The following MYO9A variants were observed in gnomAD, a reference collection of about 807,000 sequenced individuals.
MYO9A encodes myosin IXA, also known as unconventional myosin-IXa.
Under a neutral mutation model 293.3 loss-of-function variants are expected in MYO9A, and 103 were observed. The ratio of observed to expected loss-of-function variants is 0.35; its 90% CI spans 0.30 to 0.41. The LOEUF is 0.41. Among genes scored for constraint, MYO9A ranks in the 10% least tolerant of loss-of-function variants. MYO9A has a pLI of 1.00. For synonymous variants in MYO9A, 1,001 were observed against 1,035.7 expected (o/e 0.97, Z 0.64); for missense variants, 2,685 against 3,033.0 (o/e 0.89, Z 2.69).
chr15:72,050,631 C>A (rs1014345449), intron 1 of MYO9A, among the ~76,000 whole-genome samples: 1 of 150,672 alleles, frequency 6.6e-6, no homozygotes, highest in Non-Finnish European at 1.5e-5. Context: ...AATAAATAAA[C>A]AAACAAACAA....
intron 12 of MYO9A, among the ~76,000 whole-genome samples, chr15:71,970,503 C>A (rs1014490696): frequency 6.6e-6 from 1 of 152,170 alleles, no homozygotes; most frequent in Non-Finnish European, 1.5e-5. Flanking sequence ...CAAAATAGTT[C>A]TTCCTACATG....
At chr15:71,844,421 G>C (rs1596011701) in intron 39 of MYO9A, among the ~76,000 whole-genome samples, 2 of 152,146 alleles carry the variant, frequency 1.3e-5, no homozygotes, top group African/African-American at 4.8e-5. Flanking sequence ...TTTAATTTGG[G>C]TGAGAATTCT....
At chr15:71,894,609 T>A (rs1596128017) in intron 25 of MYO9A, among the ~76,000 whole-genome samples, 1 of 152,070 alleles carries the variant, frequency 6.6e-6, no homozygotes, top group South Asian at 2.1e-4. Flanking sequence ...AACAAAAAGC[T>A]TGATGTTGAA....
At chr15:71,892,798 T>G in intron 26 of MYO9A, 1 of 294,226 alleles carries the variant, frequency 3.4e-6, no homozygotes, top group South Asian at 4.8e-5. Context: ...AAAGTGCCCT[T>G]TATTTGAGTT....
intron 2 of MYO9A, among the ~76,000 whole-genome samples, chr15:72,043,273 ATAAC>A (rs1027843404): frequency 1.1e-4 from 16 of 152,324 alleles, no homozygotes; most frequent in African/African-American, 3.8e-4. Context: ...CTGTACACTA[ATAAC>A]TATAAAATAC....
At chr15:72,075,809 T>C (rs904403455) in intron 1 of MYO9A, among the ~76,000 whole-genome samples, 6 of 151,718 alleles carry the variant, frequency 4.0e-5, no homozygotes, top group South Asian at 2.1e-4. Context: ...AATACTAAAG[T>C]AATTTCTTCA....
At chr15:72,028,218 A>AATAAATAAATATAT (rs1555408276) in intron 3 of MYO9A, among the ~76,000 whole-genome samples, 7 of 134,256 alleles carry the variant, frequency 5.2e-5, no homozygotes, top group African/African-American at 1.9e-4. Context: ...TAAATAAATA[A>AATAAATAAATATAT]ATATATATAT....
intron 19 of MYO9A, among the ~76,000 whole-genome samples, chr15:71,910,117 T>G (rs930720991): frequency 1.6e-5 from 2 of 126,360 alleles, no homozygotes; most frequent in African/African-American, 9.2e-5. Flanking sequence ...TATATACGTG[T>G]ATATATACAC....
chr15:71,914,515 A>C (rs2057953168), intron 19 of MYO9A, among the ~76,000 whole-genome samples: 1 of 152,160 alleles, frequency 6.6e-6, no homozygotes, highest in African/African-American at 2.4e-5. Flanking sequence ...CTTTATAATA[A>C]GTATAATAGT....
rs1475570085 is a variant in MYO9A at position 72,101,155 on chromosome 15, G to A, written c.-72+16525C>T. ...CCCGCCCGGCCAGCCGCCCCGTCTGGGAGGTGAGGGGTGCCTCTGCCTGGC... is the reference window on the plus strand; with the variant it reads ...CCCGCCCGGCCAGCCGCCCCGTCTGAGAGGTGAGGGGTGCCTCTGCCTGGC... On this transcript the variant is annotated intron_variant, in intron 1 of 41. Transcript: ENST00000356056. 2.1e-5 allele frequency among the ~76,000 whole-genome samples: 3 copies of A among 144,412 alleles called. No homozygotes were observed. The East Asian group carries it at 6.5e-4, about 31-fold the overall frequency. 94.7% of individuals were successfully genotyped at this position (144,412 alleles called of 152,430 possible). A position where few individuals can be genotyped will look rare whatever the true frequency, so the allele number is the denominator to read the frequency against.
intron 3 of MYO9A, among the ~76,000 whole-genome samples, 194 bp downstream of exon 3, chr15:72,032,300 G>C (rs1386010614): frequency 6.6e-6 from 1 of 152,152 alleles, no homozygotes; most frequent in Non-Finnish European, 1.5e-5. Flanking sequence ...TAGGTTAAGA[G>C]TATGTGTGAC....
At position 72,094,251 on chromosome 15, in the gene MYO9A, AGAGGAG is replaced by A. The variant is rs1313274359; in HGVS notation, c.-72+23423_-72+23428del. Among the ~76,000 whole-genome samples, 11 of 88,498 alleles carry A rather than the reference AGAGGAG, an allele frequency of 1.2e-4. 3 individuals are homozygous for A. The highest frequency in any genetic ancestry group is 1.2e-3 in the East Asian group (5 of 4,046). The allele number at this position is 88,498 out of a possible 152,430, so 58.1% of individuals were successfully genotyped here. Reference sequence around the variant, plus strand: ...AGGAAGGAGGAAGAAGAAAGAAGGAAGAGGAGGAGGAGGAGGAGGAATAAAAGAAAA... The same window carrying A: ...AGGAAGGAGGAAGAAGAAAGAAGGAAGAGGAGGAGGAGGAATAAAAGAAAA... On this transcript the variant is annotated intron_variant, in intron 1 of 41. Transcript: ENST00000356056.
chr15:71,941,047 A>C (rs1290043631), intron 15 of MYO9A, among the ~76,000 whole-genome samples: 1 of 152,194 alleles, frequency 6.6e-6, no homozygotes, highest in Non-Finnish European at 1.5e-5. Flanking sequence ...TAAACATAAA[A>C]GTGGCCTAAA....
At chr15:71,855,715 C>T (rs1345890127) in intron 34 of MYO9A, among the ~76,000 whole-genome samples, 1 of 152,144 alleles carries the variant, frequency 6.6e-6, no homozygotes, top group East Asian at 1.9e-4. Context: ...AGTGTCATCA[C>T]CCCAGCTCAA....
chr15:71,981,234 C>A (rs2076263227), intron 11 of MYO9A, among the ~76,000 whole-genome samples: 1 of 152,156 alleles, frequency 6.6e-6, no homozygotes, highest in Non-Finnish European at 1.5e-5. Flanking sequence ...GTGAAACTGA[C>A]CTATAATTTC....
At chr15:72,086,831 A>G (rs1456009240) in intron 1 of MYO9A, among the ~76,000 whole-genome samples, 1 of 151,850 alleles carries the variant, frequency 6.6e-6, no homozygotes, top group Non-Finnish European at 1.5e-5. Context: ...GCAATGGTGC[A>G]ATCTCAGCTC....
chr15:72,053,198 G>A (rs577976584), intron 1 of MYO9A, among the ~76,000 whole-genome samples: 8 of 152,010 alleles, frequency 5.3e-5, no homozygotes, highest in Non-Finnish European at 1.2e-4. Flanking sequence ...TCAGGAGATC[G>A]AGACCAGCCT....
intron 27 of MYO9A, among the ~76,000 whole-genome samples, chr15:71,885,995 T>C (rs764304619): frequency 6.6e-6 from 1 of 152,048 alleles, no homozygotes; most frequent in Non-Finnish European, 1.5e-5. Context: ...CATGCACCAT[T>C]TGGTTTCATG....
At chr15:71,947,024 G>A (rs2058933172) in intron 15 of MYO9A, among the ~76,000 whole-genome samples, 1 of 152,024 alleles carries the variant, frequency 6.6e-6, no homozygotes, top group Non-Finnish European at 1.5e-5. Context: ...GACTGGGGTG[G>A]GAGGATCACT....
Sources: gnomAD v4.1 joint callset for allele counts (sites outside exome capture counted in the v4.1 genomes callset) on GRCh38, gnomAD v4.1.1 for gene constraint, MANE v1.5 for transcripts, NCBI Gene and HGNC (gene_info 2026-07-23, HGNC 2026-07-21) for gene names.